The following CLCC1 variants were observed in gnomAD, a reference collection of about 807,000 sequenced individuals.
The protein encoded by CLCC1 is chloride channel CLIC-like protein 1.
CLCC1 carries 39 observed loss-of-function variants against 63.3 expected under a neutral mutation model. The observed-to-expected ratio is 0.62, with a 90% CI of 0.48 to 0.81. The LOEUF (loss-of-function observed/expected upper bound fraction) is 0.81. CLCC1 is among the 30% of genes least tolerant of loss of function. The pLI is 0.00. For missense variants in CLCC1, 549 were observed against 669.4 expected (o/e 0.82, Z 1.98); for synonymous variants, 217 against 239.8 (o/e 0.90, Z 0.88).
chr1:108,939,691 T>A lies in CLCC1; in HGVS notation c.986A>T (p.Glu329Val), dbSNP rs764120064. 6 of 1,614,142 alleles carry A rather than the reference T, an allele frequency of 3.7e-6. No individual in the cohort carries two copies. The highest frequency in any genetic ancestry group is 4.2e-6 in the Non-Finnish European group (5 of 1,180,012). Reference sequence around the variant, plus strand: ...TGGAAGATGAAGCAGCGCTGGAATTTCCTTCATGAGTGCTTTAATAAATTC... The same window carrying A: ...TGGAAGATGAAGCAGCGCTGGAATTACCTTCATGAGTGCTTTAATAAATTC... ...TGEFIKALMK[E>V]IPALLHLPVL... Residue 329 changes from glutamate to valine, a missense_variant, in exon 10 of 13, where the codon GAA becomes GTA. Coordinates refer to ENST00000369969, the MANE Select transcript of CLCC1 (RefSeq NM_001377458.1).
intron 4 of CLCC1, 49 bp downstream of exon 4, chr1:108,949,771 C>T (rs187255508): frequency 2.7e-5 from 25 of 931,812 alleles, no homozygotes; most frequent in Admixed American, 8.7e-5. Flanking sequence ...GAATATAGAG[C>T]GATTTAACAT....
At chr1:108,942,261 A>G (rs1001911022) in intron 7 of CLCC1, among the ~76,000 whole-genome samples, 1 of 152,108 alleles carries the variant, frequency 6.6e-6, no homozygotes, top group African/African-American at 2.4e-5. Flanking sequence ...AACAACAACA[A>G]TTAGTTCTAG....
Position 108,930,045 on chromosome 1 carries a change from T to A in CLCC1, c.*2502A>T, listed in dbSNP as rs1651658532. 2 of 1,018,058 alleles carry A rather than the reference T, an allele frequency of 2.0e-6. No individual in the cohort carries two copies. The highest frequency in any genetic ancestry group is 3.2e-5 in the African/African-American group (2 of 62,368). The allele number at this position is 1,018,058 out of a possible 1,614,324, so 63.1% of individuals were successfully genotyped here. ...TAGCACTGTAATACAGCTTAAAATATTTTTAGAATGATGTAAATAGTTAAC... is the reference window on the plus strand; with the variant it reads ...TAGCACTGTAATACAGCTTAAAATAATTTTAGAATGATGTAAATAGTTAAC... On this transcript the variant is annotated 3_prime_UTR_variant, in exon 13 of 13. Transcript: ENST00000369969.
At chr1:108,937,505 G>T in intron 10 of CLCC1, 87 bp from the exon 11 acceptor site, 1 of 1,133,188 alleles carries the variant, frequency 8.8e-7, no homozygotes, top group Non-Finnish European at 1.2e-6. Context: ...TGCTAACAAA[G>T]TTATGTAATT....
chr1:108,951,496 A>C (rs1655175380), intron 2 of CLCC1, among the ~76,000 whole-genome samples: 1 of 152,236 alleles, frequency 6.6e-6, no homozygotes, highest in Admixed American at 6.5e-5. Context: ...ACACCATGCT[A>C]CAACACATAT....
intron 12 of CLCC1, chr1:108,934,241 T>G (rs1415160390): frequency 6.0e-6 from 1 of 165,862 alleles, no homozygotes; most frequent in East Asian, 1.7e-4. Flanking sequence ...CATGGCTGCA[T>G]GAAGATGCTG....
At position 108,941,405 on chromosome 1, in the gene CLCC1, C is replaced by T; in HGVS notation, c.796G>A (p.Glu266Lys). 3.1e-6 allele frequency: 5 copies of T among 1,613,204 alleles called. No individual in the cohort carries two copies. The highest frequency in any genetic ancestry group is 1.1e-5 in the South Asian group (1 of 90,992). ...AAGGACAAGTGCACAAACACCTTAC[C>T]CCAGATACTTCCAGTCCAGTCCATC... ...KKMDWTGSIW[E>K]WFRSSWTYKD... The change falls in exon 8 of 13, where the codon GAA becomes AAA. Residue 266 changes from glutamate (E) to lysine (K), a missense_variant and splice_region_variant. Physicochemically the swap from Glu to Lys is moderately conservative, Grantham distance 56. Transcript: ENST00000369969.
At chr1:108,943,240 T>C (rs1654079009) in intron 7 of CLCC1, among the ~76,000 whole-genome samples, 1 of 152,186 alleles carries the variant, frequency 6.6e-6, no homozygotes, top group South Asian at 2.1e-4. Flanking sequence ...GATGCCCAAA[T>C]GTTAACATTA....
intron 5 of CLCC1, among the ~76,000 whole-genome samples, chr1:108,947,227 A>G (rs1654665226): frequency 6.6e-6 from 1 of 152,234 alleles, no homozygotes. Context: ...CACTCACCAC[A>G]GTAAACAACA....
At chr1:108,961,180 T>A (rs1037744237) in intron 2 of CLCC1, among the ~76,000 whole-genome samples, 4 of 149,718 alleles carry the variant, frequency 2.7e-5, no homozygotes, top group African/African-American at 9.8e-5. Context: ...TCCTGCCAGA[T>A]CCCCATGGTC....
chr1:108,952,133 A>G (rs1465655661), intron 2 of CLCC1, among the ~76,000 whole-genome samples: 2 of 151,214 alleles, frequency 1.3e-5, no homozygotes, highest in African/African-American at 2.4e-5. Context: ...AGCTCAATAA[A>G]GTCAATTTAA....
intron 5 of CLCC1, among the ~76,000 whole-genome samples, chr1:108,944,582 C>A (rs984954917): frequency 6.6e-6 from 1 of 151,704 alleles, no homozygotes; most frequent in Non-Finnish European, 1.5e-5. Flanking sequence ...AAAAAAGATA[C>A]TGTAAATTTC....
chr1:108,959,725 T>G (rs1656384287), intron 2 of CLCC1, among the ~76,000 whole-genome samples: 1 of 152,186 alleles, frequency 6.6e-6, no homozygotes, highest in Admixed American at 6.5e-5. Context: ...AAGGGGGGAC[T>G]CTATACTCCC....
chr1:108,939,251 G>A (rs1653467858), intron 10 of CLCC1, among the ~76,000 whole-genome samples: 2 of 142,418 alleles, frequency 1.4e-5, no homozygotes, highest in African/African-American at 5.2e-5. Flanking sequence ...TATAAATATA[G>A]ACAGATATAT....
At chr1:108,954,579 G>A (rs17623393) in intron 2 of CLCC1, among the ~76,000 whole-genome samples, 5,373 of 151,150 alleles carry the variant, frequency 0.036, 161 homozygotes, top group Middle Eastern at 0.085. Flanking sequence ...CCAACAAAGA[G>A]GCTGAAGCAG....
chr1:108,930,119 G>C lies in CLCC1; in HGVS notation c.*2428C>G. ...AATACTTCTCTGGACATGCGCGTTT[G>C]AGGGTGGAGGGGTCCTGTAAGGTGC... On this transcript the variant is annotated 3_prime_UTR_variant, in exon 13 of 13. Transcript: ENST00000369969. 1 of 621,336 alleles carries C rather than the reference G, an allele frequency of 1.6e-6. No homozygotes were observed. The highest frequency in any genetic ancestry group is 2.1e-5 in the South Asian group (1 of 48,202). The allele number at this position is 621,336 out of a possible 1,614,324, so 38.5% of individuals were successfully genotyped here. A position where few individuals can be genotyped will look rare whatever the true frequency, so the allele number is the denominator to read the frequency against.
At chr1:108,945,225 G>A (rs1457947619) in intron 5 of CLCC1, among the ~76,000 whole-genome samples, 4 of 152,046 alleles carry the variant, frequency 2.6e-5, no homozygotes, top group South Asian at 4.1e-4. Context: ...TAAGTACATC[G>A]TGGCCTTCTT....
chr1:108,944,607 G>A (rs899585843), intron 5 of CLCC1, among the ~76,000 whole-genome samples: 3 of 151,742 alleles, frequency 2.0e-5, no homozygotes, highest in Non-Finnish European at 2.9e-5. Context: ...AAATACAGTT[G>A]ATTCTTGCTA....
chr1:108,934,617 T>C lies in CLCC1; in HGVS notation c.*45+8A>G. The C allele has an allele frequency of 6.4e-7, 1 of 1,572,256 alleles. No homozygotes were observed. The highest frequency in any genetic ancestry group is 2.3e-5 in the East Asian group (1 of 44,378). On this transcript the variant is annotated splice_region_variant and intron_variant, in intron 12 of 12. Transcript: ENST00000369969. ...GAGAAGAGAAAGAGAGTGAAGAGTA[T>C]ACTTTACAAAGCTCGAAGGAGACTT...
Sources: allele counts gnomAD v4.1 joint callset (sites outside exome capture counted in the v4.1 genomes callset), GRCh38; gene constraint gnomAD v4.1.1; transcripts MANE v1.5; gene names NCBI Gene and HGNC (gene_info 2026-07-23, HGNC 2026-07-21).